The following FAM135B variants were observed in gnomAD, a reference collection of about 807,000 sequenced individuals.
The protein encoded by FAM135B is family with sequence similarity 135 member B.
A neutral mutation model predicts 127.7 loss-of-function variants in FAM135B; 43 were observed. The observed-to-expected ratio is 0.34, with a 90% CI of 0.26 to 0.43. The LOEUF is 0.43. Among genes scored for constraint, FAM135B ranks in the 20% least tolerant of loss-of-function variants. The pLI, the probability that FAM135B is intolerant of heterozygous loss-of-function variation, is 1.00. For synonymous variants in FAM135B, 670 were observed against 665.1 expected, an observed-to-expected ratio of 1.01 and a Z score of -0.11; for missense variants, 1,558 against 1,725.6, an observed-to-expected ratio of 0.90 and a Z score of 1.72.
At chr8:138,270,865 T>C (rs943284139) in intron 3 of FAM135B, among the ~76,000 whole-genome samples, 1 of 152,218 alleles carries the variant, frequency 6.6e-6, no homozygotes, top group South Asian at 2.1e-4. Context: ...TCTAATGAGT[T>C]ATAACCTGGG....
At chr8:138,347,607 G>A (rs982376841) in intron 2 of FAM135B, among the ~76,000 whole-genome samples, 4 of 152,156 alleles carry the variant, frequency 2.6e-5, no homozygotes, top group Admixed American at 6.5e-5. Context: ...ATAACCCCTT[G>A]AGATTTTTTA....
chr8:138,305,836 A>G (rs771888760), intron 3 of FAM135B, among the ~76,000 whole-genome samples: 8 of 152,210 alleles, frequency 5.3e-5, no homozygotes, highest in Non-Finnish European at 1.2e-4. Flanking sequence ...TTATACATAC[A>G]CACATATATA....
chr8:138,381,738 G>A (rs1239286918), intron 1 of FAM135B, among the ~76,000 whole-genome samples: 1 of 152,180 alleles, frequency 6.6e-6, no homozygotes, highest in African/African-American at 2.4e-5. Flanking sequence ...CATTAAGACT[G>A]ATAGAATTAT....
At chr8:138,414,249 T>A (rs1055767136) in intron 1 of FAM135B, among the ~76,000 whole-genome samples, 1 of 152,034 alleles carries the variant, frequency 6.6e-6, no homozygotes, top group African/African-American at 2.4e-5. Flanking sequence ...GGTTGTGACC[T>A]GTGACAAGTC....
intron 2 of FAM135B, among the ~76,000 whole-genome samples, chr8:138,358,023 C>A (rs1830196629): frequency 1.3e-5 from 2 of 152,112 alleles, no homozygotes; most frequent in Admixed American, 1.3e-4. Context: ...GACTTACAAT[C>A]ATGGCAGAAG....
At chr8:138,276,685 T>A (rs1586945995) in intron 3 of FAM135B, among the ~76,000 whole-genome samples, 1 of 152,286 alleles carries the variant, frequency 6.6e-6, no homozygotes, top group African/African-American at 2.4e-5. Flanking sequence ...ATCTGTACTG[T>A]CTCCCCTTTC....
chr8:138,248,119 T>A (rs1266141833), intron 6 of FAM135B, among the ~76,000 whole-genome samples: 2 of 152,188 alleles, frequency 1.3e-5, no homozygotes, highest in African/African-American at 4.8e-5. Flanking sequence ...ACATGTGCTG[T>A]CTCATTTAAT....
At chr8:138,390,547 A>C (rs888075174) in intron 1 of FAM135B, among the ~76,000 whole-genome samples, 18 of 152,300 alleles carry the variant, frequency 1.2e-4, no homozygotes, top group African/African-American at 4.3e-4. Context: ...GGACTAATAT[A>C]GTGTCCTATA....
intron 5 of FAM135B, among the ~76,000 whole-genome samples, chr8:138,254,746 TAG>T (rs776861688): frequency 2.6e-5 from 4 of 152,108 alleles, no homozygotes; most frequent in Non-Finnish European, 5.9e-5. Flanking sequence ...GGGGTCCAGA[TAG>T]AGACAAAAGT....
At chr8:138,374,389 G>A (rs1459920506) in intron 1 of FAM135B, among the ~76,000 whole-genome samples, 1 of 152,184 alleles carries the variant, frequency 6.6e-6, no homozygotes, top group African/African-American at 2.4e-5. Flanking sequence ...ATAGGATATT[G>A]TTAAAGTACA....
At chr8:138,227,711 T>G (rs144167490) in intron 7 of FAM135B, among the ~76,000 whole-genome samples, 56 of 141,632 alleles carry the variant, frequency 4.0e-4, no homozygotes, top group African/African-American at 1.4e-3. Flanking sequence ...TAATTTTGTC[T>G]CTCTTTTTTT....
At chr8:138,142,105 A>T (rs1586580712) in intron 16 of FAM135B, among the ~76,000 whole-genome samples, 1 of 152,062 alleles carries the variant, frequency 6.6e-6, no homozygotes, top group African/African-American at 2.4e-5. Flanking sequence ...AATATTTTGT[A>T]TATGAAGACT....
At chr8:138,405,784 G>A (rs549676857) in intron 1 of FAM135B, among the ~76,000 whole-genome samples, 171 of 152,072 alleles carry the variant, frequency 1.1e-3, no homozygotes, top group African/African-American at 3.0e-3. Context: ...CTGAGGAATC[G>A]CCACACTGAC....
intron 1 of FAM135B, among the ~76,000 whole-genome samples, chr8:138,466,020 C>T (rs1196208432): frequency 6.6e-6 from 1 of 152,178 alleles, no homozygotes; most frequent in Non-Finnish European, 1.5e-5. Context: ...AGGTGATCTG[C>T]CTGCCTCGGC....
At chr8:138,385,981 G>A (rs1832180763) in intron 1 of FAM135B, among the ~76,000 whole-genome samples, 1 of 151,930 alleles carries the variant, frequency 6.6e-6, no homozygotes, top group Non-Finnish European at 1.5e-5. Context: ...AGCCCTTTGG[G>A]AGCCCAAGGC....
rs148991571 is a variant in FAM135B at position 138,339,567 on chromosome 8, TG to T, written c.77+28339del. Among the ~76,000 whole-genome samples the T allele has an allele frequency of 7.0e-3, 1,060 of 152,078 alleles. 8 individuals are homozygous for T. The highest frequency in any genetic ancestry group is 0.021 in the African/African-American group (865 of 41,468). ...GACATCAGAAAAAAGGAGAATGGAT[TG>T]GGGAGGCTAGAAAACTGCACTGGCC... On this transcript the variant is annotated intron_variant, in intron 2 of 19. Transcript: ENST00000395297.
At chr8:138,156,356 A>T (rs1818742017) in intron 12 of FAM135B, among the ~76,000 whole-genome samples, 2 of 152,364 alleles carry the variant, frequency 1.3e-5, no homozygotes, top group South Asian at 4.1e-4. Flanking sequence ...AAGATCTAAA[A>T]TAATCACCCT....
intron 2 of FAM135B, among the ~76,000 whole-genome samples, chr8:138,323,073 C>T (rs907915463): frequency 6.6e-6 from 1 of 152,198 alleles, no homozygotes; most frequent in Non-Finnish European, 1.5e-5. Flanking sequence ...TACTGACATA[C>T]TTTTCCAAGG....
chr8:138,255,976 C>G (rs977822317), intron 5 of FAM135B, among the ~76,000 whole-genome samples: 1 of 152,102 alleles, frequency 6.6e-6, no homozygotes, highest in African/African-American at 2.4e-5. Flanking sequence ...AGTTTTCTAC[C>G]CTAGGGAAGC....
Sources: gnomAD v4.1 joint callset for allele counts (sites outside exome capture counted in the v4.1 genomes callset) on GRCh38, gnomAD v4.1.1 for gene constraint, MANE v1.5 for transcripts, NCBI Gene and HGNC (gene_info 2026-07-23, HGNC 2026-07-21) for gene names.